The following HIVEP3 variants were observed in gnomAD, a reference collection of about 807,000 sequenced individuals.
HIVEP3 encodes HIVEP zinc finger 3.
In HIVEP3, 49 loss-of-function variants were observed where a neutral mutation model predicts 152.8. The ratio of observed to expected loss-of-function variants is 0.32; its 90% CI spans 0.26 to 0.41. The LOEUF is 0.41. Among genes scored for constraint, HIVEP3 ranks in the 10% least tolerant of loss-of-function variants. The probability of loss-of-function intolerance (pLI) is 1.00; values close to 1 mark genes in which losing one functional copy is unlikely to be tolerated. For synonymous variants in HIVEP3, 1,269 were observed against 1,289.0 expected (o/e 0.98, Z 0.33); for missense variants, 2,790 against 3,103.3 (o/e 0.90, Z 2.40).
rs533563314 is a variant in HIVEP3 at position 41,581,639 on chromosome 1, C to T, written c.3159G>A (p.Arg1053=). ...CFLVRQASLS[R]PPESELEVAP... ...CAACCTCCAACTCAGATTCTGGAGG[C>T]CTGCTCAGAGAGGCCTGTCTCACCA... Residue 1053 remains arginine, a synonymous_variant, in exon 4 of 9, where the codon AGG becomes AGA. Coordinates refer to ENST00000372583, the MANE Select transcript of HIVEP3 (RefSeq NM_024503.5). The surrounding 1 kb of genome is among the most constrained non-coding windows in gnomAD (Gnocchi z 4.5). The T allele has an allele frequency of 8.1e-6, 13 of 1,614,038 alleles. No homozygotes were observed. Among genetic ancestry groups the T allele is most frequent in the Non-Finnish European group, 9.3e-6 (11 of 1,180,016 alleles).
At chr1:41,704,321 G>T (rs1297940194) in intron 1 of HIVEP3, among the ~76,000 whole-genome samples, 1 of 152,258 alleles carries the variant, frequency 6.6e-6, no homozygotes, top group Non-Finnish European at 1.5e-5. Context: ...CCAAAAGGCT[G>T]CTATGAAAAG....
At chr1:41,897,622 C>T (rs565360041) in intron 1 of HIVEP3, among the ~76,000 whole-genome samples, 1 of 152,108 alleles carries the variant, frequency 6.6e-6, no homozygotes, top group Admixed American at 6.5e-5. Context: ...GCAGGAACAG[C>T]GTAAGACAGA....
chr1:41,937,827 G>A (rs1467436590), intron 1 of HIVEP3, among the ~76,000 whole-genome samples: 1 of 152,132 alleles, frequency 6.6e-6, no homozygotes, highest in Non-Finnish European at 1.5e-5. Context: ...ATCCTAACTG[G>A]TGCATTGTAT....
chr1:41,925,135 A>AAAAAC (rs1312325458), intron 1 of HIVEP3, among the ~76,000 whole-genome samples: 5 of 152,226 alleles, frequency 3.3e-5, no homozygotes, highest in Admixed American at 2.6e-4. Context: ...AAAGGATTGT[A>AAAAAC]AAAACAAAAC....
At chr1:41,620,204 C>T (rs1014220953) in intron 3 of HIVEP3, among the ~76,000 whole-genome samples, 2 of 152,208 alleles carry the variant, frequency 1.3e-5, no homozygotes, top group Non-Finnish European at 2.9e-5. Context: ...ACAGGTGGCA[C>T]AGGTGGGTCC....
At chr1:41,966,904 G>A (rs921834366) in intron 1 of HIVEP3, among the ~76,000 whole-genome samples, 3 of 152,106 alleles carry the variant, frequency 2.0e-5, no homozygotes, top group Admixed American at 6.5e-5. Flanking sequence ...TGCAATTCTA[G>A]TTCCTGACAA....
At chr1:42,028,204 C>T (rs999355424) in intron 1 of HIVEP3, among the ~76,000 whole-genome samples, 2 of 151,974 alleles carry the variant, frequency 1.3e-5, no homozygotes, top group Non-Finnish European at 2.9e-5. Context: ...TGTTGTTTAG[C>T]GTTATCTTTT....
At chr1:41,723,633 A>G (rs1321797082) in intron 1 of HIVEP3, among the ~76,000 whole-genome samples, 1 of 152,146 alleles carries the variant, frequency 6.6e-6, no homozygotes, top group African/African-American at 2.4e-5. Context: ...TTTATTGCCT[A>G]TGAGCACTCA....
At chr1:41,744,357 TTA>T (rs752851575) in intron 1 of HIVEP3, among the ~76,000 whole-genome samples, 19 of 152,330 alleles carry the variant, frequency 1.2e-4, no homozygotes, top group Non-Finnish European at 1.9e-4. Context: ...CTTTTAAAAT[TTA>T]TGTCACTGAA....
chr1:41,778,003 C>T (rs925813671), intron 1 of HIVEP3, among the ~76,000 whole-genome samples: 1 of 152,258 alleles, frequency 6.6e-6, no homozygotes, highest in Admixed American at 6.5e-5. Flanking sequence ...TTGGCAGCAA[C>T]TATGTGCCAG....
intron 1 of HIVEP3, among the ~76,000 whole-genome samples, chr1:41,870,977 G>A (rs557863256): frequency 9.8e-5 from 15 of 152,326 alleles, no homozygotes; most frequent in African/African-American, 2.6e-4. Context: ...AATGGATTAC[G>A]ACACGTGAAC....
chr1:41,579,153 G>A (rs762023944), intron 4 of HIVEP3, among the ~76,000 whole-genome samples: 25 of 152,162 alleles, frequency 1.6e-4, no homozygotes, highest in Admixed American at 3.9e-4. Context: ...GCCATCCACT[G>A]GTAAGGAGGG....
intron 5 of HIVEP3, among the ~76,000 whole-genome samples, chr1:41,571,785 T>A (rs550985159): frequency 5.9e-5 from 9 of 152,244 alleles, no homozygotes; most frequent in African/African-American, 2.2e-4. Flanking sequence ...CAGGAACAGG[T>A]CAGATTCTGA....
Position 41,584,613 on chromosome 1 carries a change from G to A in HIVEP3, c.185C>T (p.Pro62Leu). Reference protein sequence around the residue: ...ELLAPQPFPGPSSVLREGSQE... With the variant: ...ELLAPQPFPGLSSVLREGSQE... ...AGAGCCTTCCCTAAGAACTGATGAG[G>A]GGCCCGGGAAGGGCTGCGGGGCTAA... The change falls in exon 4 of 9, where the codon CCC (proline) becomes CTC (leucine). Residue 62 changes from proline (P) to leucine (L), a missense_variant. Coordinates refer to ENST00000372583, the MANE Select transcript of HIVEP3 (RefSeq NM_024503.5). This position sits in a 1 kb window ranked among gnomAD's most constrained non-coding sequence, Gnocchi z 5.2. 1 of 1,611,498 alleles carries A rather than the reference G, an allele frequency of 6.2e-7. No homozygotes were observed. Among genetic ancestry groups the A allele is most frequent in the East Asian group, 2.2e-5 (1 of 44,844 alleles).
At position 41,690,523 on chromosome 1, in the gene HIVEP3, C is replaced by T. The variant is rs142109054; in HGVS notation, c.-721+10393G>A. Among the ~76,000 whole-genome samples, 927 of 152,324 alleles carry T rather than the reference C, an allele frequency of 6.1e-3. 13 individuals carry two copies. The highest frequency in any genetic ancestry group is 0.021 in the African/African-American group (892 of 41,578). On this transcript the variant is annotated intron_variant, in intron 2 of 8. Coordinates refer to ENST00000372583, the MANE Select transcript of HIVEP3 (RefSeq NM_024503.5). ...CCTTGCCACTGCCTTCAACCTAGAC[C>T]GGAAGTGCCTTGGGCCAGGAGCCTG... is the stretch of plus-strand genomic sequence containing the variant.
In HIVEP3 at chr1:41,580,578, C is replaced by A; in HGVS notation, c.4220G>T (p.Gly1407Val). 6.2e-7 allele frequency: 1 copy of A among 1,614,220 alleles called. No homozygotes were observed. Among genetic ancestry groups the A allele is most frequent in the Non-Finnish European group, 8.5e-7 (1 of 1,180,050 alleles). Residue 1407 changes from glycine to valine, a missense_variant, in exon 4 of 9, where the codon GGC (glycine) becomes GTC (valine). This residue lies in a region of HIVEP3 where 1,078 missense variants were observed against 1,165.3 expected (regional missense o/e 0.93). Transcript: ENST00000372583. ...GATACTCTCTGATGACAGGGAAGTGCCTTTTCTTTCAGGTAATGTCACAGG... is the reference window on the plus strand; with the variant it reads ...GATACTCTCTGATGACAGGGAAGTGACTTTTCTTTCAGGTAATGTCACAGG... ...RVPVTLPERK[G>V]TSLSSESILS...
chr1:41,557,288 G>A (rs992474604), intron 5 of HIVEP3, among the ~76,000 whole-genome samples: 1 of 152,190 alleles, frequency 6.6e-6, no homozygotes, highest in African/African-American at 2.4e-5. Context: ...TGACACCCTG[G>A]GAGGAGGTGG....
intron 2 of HIVEP3, among the ~76,000 whole-genome samples, chr1:41,647,641 C>T (rs899899410): frequency 2.0e-5 from 3 of 152,234 alleles, no homozygotes; most frequent in African/African-American, 7.2e-5. Flanking sequence ...TGCAGCCTGG[C>T]TCCAGCAGGG....
rs545189259 is a variant in HIVEP3, at chr1:41,581,402, G to C, written c.3396C>G (p.Pro1132=). Residue 1132 remains proline (P), a synonymous_variant, in exon 4 of 9, where the codon CCC becomes CCG. Coordinates refer to ENST00000372583, the MANE Select transcript of HIVEP3 (RefSeq NM_024503.5). The surrounding 1 kb of genome is among the most constrained non-coding windows in gnomAD (Gnocchi z 4.5). ...QVFHHPVAQT[P]LHEKPYLPPP... ...GGGGCAGGTATGGCTTCTCATGCAG[G>C]GGTGTCTGGGCAACGGGGTGGTGGA... The C allele has an allele frequency of 6.2e-7, 1 of 1,606,644 alleles. No individual in the cohort carries two copies. Among genetic ancestry groups the C allele is most frequent in the African/African-American group, 1.3e-5 (1 of 74,914 alleles).
Sources: allele counts gnomAD v4.1 joint callset (sites outside exome capture counted in the v4.1 genomes callset), GRCh38; gene constraint gnomAD v4.1.1; regional missense constraint gnomAD v4.1.1; non-coding constraint Gnocchi (gnomAD v3.1); transcripts MANE v1.5; gene names NCBI Gene and HGNC (gene_info 2026-07-23, HGNC 2026-07-21).